The following ITGBL1 variants were observed in gnomAD, a reference collection of about 807,000 sequenced individuals.
The protein encoded by ITGBL1 is integrin subunit beta like 1, also known as integrin beta-like protein 1.
In ITGBL1, 51 loss-of-function variants were observed where a neutral mutation model predicts 68.5. The observed-to-expected ratio is 0.74, with a 90% CI of 0.59 to 0.94. The LOEUF (loss-of-function observed/expected upper bound fraction) is 0.94, where lower values mean the gene tolerates loss of function less well. ITGBL1 is among the 40% of genes least tolerant of loss of function. The pLI is 0.00. For missense variants in ITGBL1, 649 were observed against 647.4 expected (o/e 1.00, Z -0.03); for synonymous variants, 209 against 227.3 (o/e 0.92, Z 0.72).
chr13:101,474,354 G>A (rs184348196), intron 2 of ITGBL1, among the ~76,000 whole-genome samples: 1 of 152,244 alleles, frequency 6.6e-6, no homozygotes, highest in Admixed American at 6.5e-5. Context: ...AGAGGGAAGG[G>A]TGGGAAGAAC....
intron 2 of ITGBL1, among the ~76,000 whole-genome samples, chr13:101,558,522 AAG>A (rs1173209303): frequency 6.6e-6 from 1 of 152,190 alleles, no homozygotes; most frequent in African/African-American, 2.4e-5. Context: ...GAAGGTGACA[AAG>A]AGAACGGAGA....
At chr13:101,499,404 A>G (rs2048906280) in intron 2 of ITGBL1, among the ~76,000 whole-genome samples, 1 of 152,218 alleles carries the variant, frequency 6.6e-6, no homozygotes, top group South Asian at 2.1e-4. Flanking sequence ...AATATATTGT[A>G]TCAGCAGCAT....
At chr13:101,491,934 C>T (rs1252910732) in intron 2 of ITGBL1, among the ~76,000 whole-genome samples, 1 of 152,180 alleles carries the variant, frequency 6.6e-6, no homozygotes, top group Non-Finnish European at 1.5e-5. Flanking sequence ...TTTCCACCTT[C>T]ATCCATGTCC....
At chr13:101,529,497 C>T (rs1457075231) in intron 2 of ITGBL1, among the ~76,000 whole-genome samples, 5 of 152,152 alleles carry the variant, frequency 3.3e-5, no homozygotes, top group African/African-American at 1.2e-4. Flanking sequence ...GTAAGTGACA[C>T]TGGAAAAAGA....
chr13:101,703,861 T>G (rs1165198233), intron 8 of ITGBL1, among the ~76,000 whole-genome samples: 3 of 152,138 alleles, frequency 2.0e-5, no homozygotes, highest in Non-Finnish European at 4.4e-5. Context: ...CTGGAAGATT[T>G]TACAAAAGCT....
At chr13:101,463,791 A>T (rs1356662466) in intron 2 of ITGBL1, among the ~76,000 whole-genome samples, 1 of 152,136 alleles carries the variant, frequency 6.6e-6, no homozygotes, top group African/African-American at 2.4e-5. Flanking sequence ...AATAACTCAC[A>T]TATTTTTAAA....
At chr13:101,521,451 G>A (rs1406706508) in intron 2 of ITGBL1, among the ~76,000 whole-genome samples, 4 of 152,174 alleles carry the variant, frequency 2.6e-5, no homozygotes, top group African/African-American at 7.2e-5. Context: ...TTTAAATTGG[G>A]TTGCCAGGGA....
intron 7 of ITGBL1, among the ~76,000 whole-genome samples, chr13:101,645,812 T>C (rs2032538642): frequency 6.6e-6 from 1 of 152,190 alleles, no homozygotes; most frequent in Non-Finnish European, 1.5e-5. Context: ...GGTAAGTGTG[T>C]TTTATAAATT....
chr13:101,662,828 AT>A (rs11383148), intron 7 of ITGBL1, among the ~76,000 whole-genome samples: 20 of 151,216 alleles, frequency 1.3e-4, no homozygotes, highest in Admixed American at 7.2e-4. Flanking sequence ...GATAGTCAAT[AT>A]TTTTTTTTCA....
At chr13:101,608,490 T>C (rs1426827484) in intron 7 of ITGBL1, among the ~76,000 whole-genome samples, 2 of 152,022 alleles carry the variant, frequency 1.3e-5, no homozygotes, top group Non-Finnish European at 2.9e-5. Context: ...AAAGAGAAAG[T>C]TTAAAAATTT....
rs140783193 is a variant in ITGBL1, at chr13:101,477,490, C to T, written c.316+23390C>T. 6.6e-4 allele frequency among the ~76,000 whole-genome samples: 100 copies of T among 151,404 alleles called. 2 individuals carry two copies. The East Asian group carries it at 9.3e-3, about 14-fold the overall frequency. ...GGAAGAAAATAGTGAAGATCATAGC[C>T]GAAATAAATGAGATCAAATTAAAAA... On this transcript the variant is annotated intron_variant, in intron 2 of 10. Transcript: ENST00000376180.
At chr13:101,639,004 G>A (rs1037907308) in intron 7 of ITGBL1, among the ~76,000 whole-genome samples, 3 of 152,064 alleles carry the variant, frequency 2.0e-5, no homozygotes, top group African/African-American at 4.8e-5. Flanking sequence ...TAAGAAAAAA[G>A]AGAAAGGAAA....
chr13:101,463,154 C>A (rs1480985296), intron 2 of ITGBL1, among the ~76,000 whole-genome samples: 1 of 152,064 alleles, frequency 6.6e-6, no homozygotes, highest in Non-Finnish European at 1.5e-5. Context: ...TGCTAGACAC[C>A]CCTCTCCTAC....
chr13:101,459,242 T>G (rs1310960063), intron 2 of ITGBL1, among the ~76,000 whole-genome samples: 1 of 152,228 alleles, frequency 6.6e-6, no homozygotes, highest in East Asian at 1.9e-4. Flanking sequence ...TTGTCTGAAT[T>G]GTTAACGTGG....
intron 2 of ITGBL1, among the ~76,000 whole-genome samples, chr13:101,476,810 A>G (rs1261857910): frequency 2.0e-5 from 3 of 152,156 alleles, no homozygotes; most frequent in Non-Finnish European, 4.4e-5. Context: ...AAGTGTAAAT[A>G]TATATACACC....
At chr13:101,522,155 A>G (rs1263291255) in intron 2 of ITGBL1, among the ~76,000 whole-genome samples, 2 of 152,044 alleles carry the variant, frequency 1.3e-5, no homozygotes, top group African/African-American at 2.4e-5. Context: ...ATTTAACTTT[A>G]ATTATCTCCT....
At chr13:101,667,092 C>CA (rs1276155173) in intron 7 of ITGBL1, among the ~76,000 whole-genome samples, 15 of 152,296 alleles carry the variant, frequency 9.8e-5, no homozygotes, top group African/African-American at 3.4e-4. Context: ...AATTCTAAGA[C>CA]ATGCCAAACC....
chr13:101,551,417 C>T (rs577797268), intron 2 of ITGBL1, among the ~76,000 whole-genome samples: 12 of 152,118 alleles, frequency 7.9e-5, no homozygotes, highest in African/African-American at 1.9e-4. Context: ...GAGAGGAATT[C>T]GGGACCCAAA....
At chr13:101,666,664 G>A (rs528298519) in intron 7 of ITGBL1, among the ~76,000 whole-genome samples, 1 of 152,140 alleles carries the variant, frequency 6.6e-6, no homozygotes, top group Non-Finnish European at 1.5e-5. Context: ...GCAATTTTAT[G>A]TTTTTCTCCC....
Sources: gnomAD v4.1 joint callset for allele counts (sites outside exome capture counted in the v4.1 genomes callset) on GRCh38, gnomAD v4.1.1 for gene constraint, MANE v1.5 for transcripts, NCBI Gene and HGNC (gene_info 2026-07-23, HGNC 2026-07-21) for gene names.